Variants in IL1RAPL1 observed in about 807,000 individuals in gnomAD.
IL1RAPL1 encodes the protein interleukin-1 receptor accessory protein-like 1.
In IL1RAPL1, 3 loss-of-function variants were observed where a neutral mutation model predicts 48.4. The observed-to-expected ratio is 0.06, with a 90% CI of 0.03 to 0.16. IL1RAPL1 has a LOEUF of 0.16. IL1RAPL1 is among the 10% of genes least tolerant of loss of function. The pLI, the probability that IL1RAPL1 is intolerant of heterozygous loss-of-function variation, is 1.00. For synonymous variants in IL1RAPL1, 185 were observed against 187.7 expected, an observed-to-expected ratio of 0.99 and a Z score of 0.12; for missense variants, 349 against 530.6, an observed-to-expected ratio of 0.66 and a Z score of 3.36.
intron 2 of IL1RAPL1, among the ~76,000 whole-genome samples, chrX:29,126,001 G>T (rs772284405): frequency 1.8e-5 from 2 of 109,662 alleles, no homozygotes; most frequent in East Asian, 5.7e-4. Context: ...GCGGATAATT[G>T]CATTTATGTC....
chrX:28,663,986 C>A (rs1258849822), intron 1 of IL1RAPL1, among the ~76,000 whole-genome samples: 2 of 112,113 alleles, frequency 1.8e-5, no homozygotes, highest in Non-Finnish European at 3.8e-5. Flanking sequence ...GCATACATAT[C>A]ACTTTGCATC....
At chrX:29,443,709 G>A (rs138051441) in intron 5 of IL1RAPL1, among the ~76,000 whole-genome samples, 259 of 111,731 alleles carry the variant, frequency 2.3e-3, no homozygotes, top group African/African-American at 8.2e-3. Flanking sequence ...CAGTATGGTG[G>A]GGTCGTCAAT....
chrX:29,722,429 T>C (rs1370045236), intron 6 of IL1RAPL1, among the ~76,000 whole-genome samples: 1 of 112,497 alleles, frequency 8.9e-6, no homozygotes, highest in Non-Finnish European at 1.9e-5. Flanking sequence ...CTCTTAAAAT[T>C]AACTGCAATA....
chrX:29,556,580 G>A (rs924475602), intron 5 of IL1RAPL1, among the ~76,000 whole-genome samples: 8 of 108,327 alleles, frequency 7.4e-5, no homozygotes, highest in Non-Finnish European at 1.1e-4. Context: ...CCCAGGAGGC[G>A]GAGGCTGCAG....
chrX:28,890,785 C>T (rs1185501301), intron 2 of IL1RAPL1, among the ~76,000 whole-genome samples: 1 of 112,015 alleles, frequency 8.9e-6, no homozygotes, highest in Non-Finnish European at 1.9e-5. Flanking sequence ...GAACTCTTGT[C>T]TGACAATTAA....
intron 1 of IL1RAPL1, among the ~76,000 whole-genome samples, chrX:28,776,814 A>C (rs754807560): frequency 8.9e-6 from 1 of 111,845 alleles, no homozygotes; most frequent in South Asian, 3.7e-4. Flanking sequence ...GGCACATAGA[A>C]AGTGCTCAAC....
chrX:29,362,044 G>C (rs886673449), intron 3 of IL1RAPL1, among the ~76,000 whole-genome samples: 8 of 112,133 alleles, frequency 7.1e-5, no homozygotes, highest in Non-Finnish European at 1.9e-5. Flanking sequence ...CTGGAGGTCT[G>C]TTGTTGTTTC....
At chrX:29,359,186 T>C (rs1236028026) in intron 3 of IL1RAPL1, among the ~76,000 whole-genome samples, 1 of 111,353 alleles carries the variant, frequency 9.0e-6, no homozygotes, top group East Asian at 2.8e-4. Flanking sequence ...TATCAATATA[T>C]CTGATGTTTT....
chrX:28,768,755 C>CTCTCTCTCTCTCTCTCTCTCTATA (rs1364972830), intron 1 of IL1RAPL1, among the ~76,000 whole-genome samples: 1 of 34,890 alleles, frequency 2.9e-5, no homozygotes, highest in Non-Finnish European at 4.8e-5. Context: ...CTCTCTCTCT[C>CTCTCTCTCTCTCTCTCTCTCTATA]TATATATATA....
chrX:28,869,534 G>C (rs1436677357), intron 2 of IL1RAPL1, among the ~76,000 whole-genome samples: 10 of 111,108 alleles, frequency 9.0e-5, no homozygotes, highest in Non-Finnish European at 1.9e-4. Context: ...AAGTAAAGTG[G>C]GATATGATAA....
At chrX:29,543,357 A>G (rs1921505750) in intron 5 of IL1RAPL1, among the ~76,000 whole-genome samples, 1 of 110,629 alleles carries the variant, frequency 9.0e-6, no homozygotes, top group Admixed American at 9.7e-5. Flanking sequence ...AGATGAAAAT[A>G]CTGCCTAATG....
At chrX:29,922,721 A>G (rs1340403836) in intron 8 of IL1RAPL1, among the ~76,000 whole-genome samples, 1 of 112,290 alleles carries the variant, frequency 8.9e-6, no homozygotes, top group African/African-American at 3.2e-5. Flanking sequence ...TTGATCATTG[A>G]GTCTCTAAAA....
intron 5 of IL1RAPL1, among the ~76,000 whole-genome samples, chrX:29,480,291 C>CATACAT (rs375536384): frequency 3.9e-4 from 30 of 76,570 alleles, no homozygotes; most frequent in African/African-American, 1.7e-3. Context: ...CACACATATA[C>CATACAT]ATATATATAT....
At chrX:29,172,679 A>C (rs1929932671) in intron 2 of IL1RAPL1, among the ~76,000 whole-genome samples, 1 of 111,979 alleles carries the variant, frequency 8.9e-6, no homozygotes, top group East Asian at 2.8e-4. Context: ...TAGTGTTTGC[A>C]GCAGGGAAGC....
At chrX:29,118,372 G>A (rs1928716322) in intron 2 of IL1RAPL1, among the ~76,000 whole-genome samples, 1 of 111,544 alleles carries the variant, frequency 9.0e-6, no homozygotes, top group East Asian at 2.8e-4. Context: ...TGAATAAAGG[G>A]ACACAGAGAA....
chrX:28,748,493 T>C (rs1209646194), intron 1 of IL1RAPL1, among the ~76,000 whole-genome samples: 2 of 111,906 alleles, frequency 1.8e-5, no homozygotes, highest in African/African-American at 6.5e-5. Flanking sequence ...TAGGACTGTA[T>C]GTTCAACAAA....
At chrX:29,375,586 G>T (rs759431312) in intron 3 of IL1RAPL1, among the ~76,000 whole-genome samples, 1 of 111,695 alleles carries the variant, frequency 9.0e-6, no homozygotes, top group Non-Finnish European at 1.9e-5. Context: ...AGACACATCT[G>T]CAAACCTAAG....
intron 6 of IL1RAPL1, among the ~76,000 whole-genome samples, chrX:29,799,907 A>C (rs761255011): frequency 6.2e-5 from 7 of 112,322 alleles, no homozygotes; most frequent in African/African-American, 2.3e-4. Flanking sequence ...CTAGAAGAGG[A>C]GGCCTAAGTG....
At chrX:29,485,322 T>G (rs1349732794) in intron 5 of IL1RAPL1, among the ~76,000 whole-genome samples, 1 of 112,256 alleles carries the variant, frequency 8.9e-6, no homozygotes, top group Non-Finnish European at 1.9e-5. Context: ...AAAACTTCAC[T>G]TAAGAGATGT....
Sources: gnomAD v4.1 joint callset for allele counts (sites outside exome capture counted in the v4.1 genomes callset) on GRCh38, gnomAD v4.1.1 for gene constraint, MANE v1.5 for transcripts, NCBI Gene and HGNC (gene_info 2026-07-23, HGNC 2026-07-21) for gene names.